Variants in ZNF76 observed in about 807,000 individuals in gnomAD.
ZNF76 encodes zinc finger protein 523.
Under a neutral mutation model 66.9 loss-of-function variants are expected in ZNF76, and 66 were observed. That is an observed-to-expected ratio of 0.99 (90% confidence interval 0.81 to 1.21). The LOEUF (loss-of-function observed/expected upper bound fraction) is 1.21, where lower values mean the gene tolerates loss of function less well. ZNF76 is among the 50% of genes most tolerant of loss of function. The pLI, the probability that ZNF76 is intolerant of heterozygous loss-of-function variation, is 0.00. For missense variants in ZNF76, 729 were observed against 760.3 expected, an observed-to-expected ratio of 0.96 and a Z score of 0.48; for synonymous variants, 275 against 296.1, an observed-to-expected ratio of 0.93 and a Z score of 0.73.
intron 1 of ZNF76, among the ~76,000 whole-genome samples, chr6:35,264,784 G>A (rs1462169992): frequency 6.6e-6 from 1 of 152,088 alleles, no homozygotes; most frequent in African/African-American, 2.4e-5. Flanking sequence ...TTAGCACCCT[G>A]CAGAATTCTG....
chr6:35,292,562 C>G lies in ZNF76; in HGVS notation c.940C>G (p.Pro314Ala). 1 of 1,613,422 alleles carries G rather than the reference C, an allele frequency of 6.2e-7. No homozygotes were observed. Reference sequence around the variant, plus strand: ...CAGCCCAGTGTCCCCAGGGGAGAAGCCATACGTTTGCACGGTGCCAGGCTG... The same window carrying G: ...CAGCCCAGTGTCCCCAGGGGAGAAGGCATACGTTTGCACGGTGCCAGGCTG... ...NHVRIHTGEK[P>A]YVCTVPGCGK... Residue 314 changes from proline to alanine, a missense_variant, in exon 10 of 14, where the codon CCA becomes GCA. By Grantham distance (27) the Pro-to-Ala change is conservative. Transcript: ENST00000373953. This position sits in a 1 kb window ranked among gnomAD's most constrained non-coding sequence, Gnocchi z 4.7.
At chr6:35,284,243 C>T (rs898237259) in intron 2 of ZNF76, among the ~76,000 whole-genome samples, 2 of 150,728 alleles carry the variant, frequency 1.3e-5, no homozygotes, top group Admixed American at 6.6e-5. Context: ...AGGCATGTGC[C>T]ATCACGCCTG....
At chr6:35,290,172 C>T (rs1790154366) in intron 5 of ZNF76, 94 bp from the exon 6 acceptor site, 6 of 1,539,056 alleles carry the variant, frequency 3.9e-6, no homozygotes, top group Non-Finnish European at 5.3e-6. Context: ...AGGTTTAACC[C>T]TGCCTGTTGG....
At chr6:35,272,763 G>A (rs1169778285) in intron 1 of ZNF76, among the ~76,000 whole-genome samples, 4 of 152,180 alleles carry the variant, frequency 2.6e-5, no homozygotes, top group South Asian at 2.1e-4. Flanking sequence ...TTCAGCCCCC[G>A]AGTAGCTGGG....
chr6:35,291,306 C>G lies in ZNF76; in HGVS notation c.654C>G (p.Thr218=). The G allele has an allele frequency of 6.2e-7, 1 of 1,613,374 alleles. No individual in the cohort carries two copies. Among genetic ancestry groups the G allele is most frequent in the Non-Finnish European group, 8.5e-7 (1 of 1,179,656 alleles). ...ATGGACTGAAGAGCCACGTTCGTAC[C>G]CACACTGGTGAGAAACCATACAAGT... The part of the protein sequence containing the change: ...TGYGLKSHVR[T]HTGEKPYKCP... Residue 218 remains threonine (T), a synonymous_variant, in exon 8 of 14, where the codon ACC becomes ACG. Coordinates refer to ENST00000373953, the MANE Select transcript of ZNF76 (RefSeq NM_003427.5).
chr6:35,293,743 G>A lies in ZNF76; in HGVS notation c.1330-8G>A, dbSNP rs1371931949. 6.2e-7 allele frequency: 1 copy of A among 1,613,294 alleles called. No individual in the cohort carries two copies. The highest frequency in any genetic ancestry group is 1.1e-5 in the South Asian group (1 of 91,032). On this transcript the variant is annotated splice_polypyrimidine_tract_variant and splice_region_variant and intron_variant, in intron 11 of 13. Coordinates refer to ENST00000373953, the MANE Select transcript of ZNF76 (RefSeq NM_003427.5). ...CACTGCCAGCTCATCTTCCCCTCCT[G>A]TTGGCAGGTCAGCCTGTCCCCGGAA...
rs780385407 is a variant in ZNF76 at position 35,293,828 on chromosome 6, C to T, written c.1407C>T (p.Leu469=). Reference sequence around the variant, plus strand: ...TCACCCAGCACGGCAGCACCACCCTCACCATCCCCAGTCCTGATGCCGACC... The same window carrying T: ...TCACCCAGCACGGCAGCACCACCCTTACCATCCCCAGTCCTGATGCCGACC... The part of the protein sequence containing the change: ...SMVTQHGSTT[L]TIPSPDADLA... The change falls in exon 12 of 14, where the codon CTC becomes CTT. Residue 469 remains leucine (L), a synonymous_variant. Coordinates refer to ENST00000373953, the MANE Select transcript of ZNF76 (RefSeq NM_003427.5). The T allele has an allele frequency of 3.7e-6, 6 of 1,614,170 alleles. No individual in the cohort carries two copies. In the South Asian group the frequency reaches 5.5e-5, roughly 15 times the overall value.
chr6:35,290,145 C>T, intron 5 of ZNF76, 121 bp from the exon 6 acceptor site: 4 of 1,302,916 alleles, frequency 3.1e-6, no homozygotes, highest in Non-Finnish European at 4.3e-6. Flanking sequence ...TGTTCTTCTG[C>T]CCCAGAGGCC....
intron 1 of ZNF76, among the ~76,000 whole-genome samples, chr6:35,262,044 T>C (rs1432008197): frequency 2.0e-5 from 3 of 152,132 alleles, no homozygotes; most frequent in Admixed American, 6.5e-5. Context: ...CATAAGGAAA[T>C]GAAGACCTAA....
chr6:35,291,736 A>T lies in ZNF76; in HGVS notation c.930A>T (p.Thr310=). ...ATAAGAATCACGTGCGCATCCACACAGGTGGGCTAGCTGGCATGCGAGGAC... is the reference window on the plus strand; with the variant it reads ...ATAAGAATCACGTGCGCATCCACACTGGTGGGCTAGCTGGCATGCGAGGAC... ...TNYKNHVRIH[T]GEKPYVCTVP... is the part of the protein sequence containing the mutation. Residue 310 remains threonine, a splice_region_variant and synonymous_variant, in exon 9 of 14, where the codon ACA becomes ACT. Coordinates refer to ENST00000373953, the MANE Select transcript of ZNF76 (RefSeq NM_003427.5). 1 of 1,606,474 alleles carries T rather than the reference A, an allele frequency of 6.2e-7. No homozygotes were observed.
chr6:35,276,556 C>G (rs1787917009), intron 1 of ZNF76, among the ~76,000 whole-genome samples: 4 of 152,212 alleles, frequency 2.6e-5, no homozygotes, highest in Admixed American at 2.6e-4. Context: ...CAAGGCTACA[C>G]AGAAGTTCAG....
At chr6:35,288,439 A>G (rs980679776) in intron 5 of ZNF76, 1 of 331,796 alleles carries the variant, frequency 3.0e-6, no homozygotes, top group South Asian at 2.4e-5. Context: ...TGCCGAAACC[A>G]TGGTCCTGCA....
chr6:35,263,501 A>C (rs1170292778), intron 1 of ZNF76, among the ~76,000 whole-genome samples: 3 of 152,240 alleles, frequency 2.0e-5, no homozygotes, highest in African/African-American at 7.2e-5. Context: ...TCTGTGGGTC[A>C]CCAAATTCCC....
At chr6:35,267,772 C>T (rs1036284373) in intron 1 of ZNF76, among the ~76,000 whole-genome samples, 11 of 152,128 alleles carry the variant, frequency 7.2e-5, no homozygotes, top group African/African-American at 1.9e-4. Context: ...TCTGGGTCTC[C>T]GTGGAAACAG....
chr6:35,264,299 G>C (rs888456337), intron 1 of ZNF76, among the ~76,000 whole-genome samples: 1 of 152,298 alleles, frequency 6.6e-6, no homozygotes, highest in East Asian at 1.9e-4. Context: ...TTGCTCGGGT[G>C]GGGGAATGGG....
Position 35,292,478 on chromosome 6 carries a change from G to A in ZNF76, c.932-76G>A. On this transcript the variant is annotated intron_variant, in intron 9 of 13. Transcript: ENST00000373953. The surrounding 1 kb of genome is among the most constrained non-coding windows in gnomAD (Gnocchi z 4.7). ...CTCTGGCTCTCCCTTCACCAACCCTGTCCCTCACCCCTGTCCCCTTAGTTT... is the reference window on the plus strand; with the variant it reads ...CTCTGGCTCTCCCTTCACCAACCCTATCCCTCACCCCTGTCCCCTTAGTTT... 4 of 1,504,834 alleles carry A rather than the reference G, an allele frequency of 2.7e-6. No individual in the cohort carries two copies. Among genetic ancestry groups the A allele is most frequent in the Non-Finnish European group, 3.7e-6 (4 of 1,092,710 alleles). The allele number at this position is 1,504,834 out of a possible 1,614,324, so 93.2% of individuals were successfully genotyped here.
At position 35,295,935 on chromosome 6, in the gene ZNF76, TG is replaced by T. The variant is rs1203197712; in HGVS notation, c.*689del. ...TTGATAATTTTTTTCCTGCTCTGGGTGGTGGTGGCACATGGATGAATGAGTA... is the reference window on the plus strand; with the variant it reads ...TTGATAATTTTTTTCCTGCTCTGGGTGTGGTGGCACATGGATGAATGAGTA... On this transcript the variant is annotated 3_prime_UTR_variant, in exon 14 of 14. Transcript: ENST00000373953. 3.3e-5 allele frequency: 5 copies of T among 152,928 alleles called. No homozygotes were observed. Among genetic ancestry groups the T allele is most frequent in the African/African-American group, 1.2e-4 (5 of 41,418 alleles). 9.5% of individuals were successfully genotyped at this position (152,928 alleles called of 1,614,324 possible).
At chr6:35,271,170 T>C (rs1456751724) in intron 1 of ZNF76, among the ~76,000 whole-genome samples, 2 of 152,246 alleles carry the variant, frequency 1.3e-5, no homozygotes, top group East Asian at 1.9e-4. Context: ...ATAGATAACC[T>C]TGGACATGTG....
chr6:35,262,953 T>A (rs9462064), intron 1 of ZNF76, among the ~76,000 whole-genome samples: 13,432 of 152,072 alleles, frequency 0.088, 1,398 homozygotes, highest in African/African-American at 0.25. Flanking sequence ...CTCTTATTTG[T>A]CCCCTCAGCC....
Sources: gnomAD v4.1 joint callset for allele counts (sites outside exome capture counted in the v4.1 genomes callset) on GRCh38, gnomAD v4.1.1 for gene constraint, Gnocchi (gnomAD v3.1) non-coding constraint, MANE v1.5 for transcripts, NCBI Gene and HGNC (gene_info 2026-07-23, HGNC 2026-07-21) for gene names.